The following CDH13 variants were observed in gnomAD, a reference collection of about 807,000 sequenced individuals.
CDH13 encodes cadherin 13, also known as cadherin-13.
Under a neutral mutation model 63.8 loss-of-function variants are expected in CDH13, and 24 were observed. The observed-to-expected ratio is 0.38, with a 90% CI of 0.27 to 0.53. The LOEUF is 0.53. CDH13 is among the 20% of genes least tolerant of loss of function. The pLI, the probability that CDH13 is intolerant of heterozygous loss-of-function variation, is 0.85. For missense variants in CDH13, 1,049 were observed against 903.1 expected (o/e 1.16, Z -2.07); for synonymous variants, 503 against 355.3 (o/e 1.42, Z -4.67).
intron 8 of CDH13, among the ~76,000 whole-genome samples, chr16:83,619,556 G>T (rs536048120): frequency 3.9e-5 from 6 of 152,218 alleles, no homozygotes; most frequent in African/African-American, 1.4e-4. Context: ...GAGAGAATTG[G>T]TTTGATGCCT....
intron 6 of CDH13, among the ~76,000 whole-genome samples, chr16:83,426,038 C>T (rs904738204): frequency 1.3e-5 from 2 of 152,124 alleles, no homozygotes; most frequent in African/African-American, 2.4e-5. Context: ...GGTCCTTTCT[C>T]CTATCCTCCC....
At chr16:83,657,592 T>C (rs1298287420) in intron 8 of CDH13, among the ~76,000 whole-genome samples, 1 of 152,200 alleles carries the variant, frequency 6.6e-6, no homozygotes, top group African/African-American at 2.4e-5. Context: ...GCAGACCGCT[T>C]CTTTGCTGGA....
intron 2 of CDH13, among the ~76,000 whole-genome samples, chr16:82,994,698 T>G (rs1037411886): frequency 6.6e-6 from 1 of 152,196 alleles, no homozygotes; most frequent in Non-Finnish European, 1.5e-5. Flanking sequence ...ACTACCAATC[T>G]CCATTGATAC....
chr16:82,691,689 C>G (rs1341570390), intron 1 of CDH13, among the ~76,000 whole-genome samples: 1 of 152,156 alleles, frequency 6.6e-6, no homozygotes, highest in Non-Finnish European at 1.5e-5. Context: ...CAGAAGCTGA[C>G]TGTGATAACC....
intron 6 of CDH13, among the ~76,000 whole-genome samples, chr16:83,440,856 C>T (rs1353325098): frequency 6.6e-6 from 1 of 150,768 alleles, no homozygotes; most frequent in Non-Finnish European, 1.5e-5. Flanking sequence ...CCTGGCCTTT[C>T]TTAATTGTCC....
intron 5 of CDH13, among the ~76,000 whole-genome samples, chr16:83,324,310 C>T (rs1276503077): frequency 6.6e-6 from 1 of 152,188 alleles, no homozygotes; most frequent in African/African-American, 2.4e-5. Flanking sequence ...GCTGGGATTA[C>T]AGGCATGAGC....
At chr16:83,253,043 A>G (rs1905775692) in intron 5 of CDH13, among the ~76,000 whole-genome samples, 1 of 152,036 alleles carries the variant, frequency 6.6e-6, no homozygotes, top group Admixed American at 6.5e-5. Flanking sequence ...CCCTTAGCAC[A>G]GCACCTGGCA....
At chr16:82,721,148 T>A in intron 1 of CDH13, among the ~76,000 whole-genome samples, 1 of 152,222 alleles carries the variant, frequency 6.6e-6, no homozygotes, top group Admixed American at 6.5e-5. Context: ...AAACATTCAT[T>A]GAGCACCTAC....
At chr16:82,817,294 C>T (rs890457170) in intron 1 of CDH13, among the ~76,000 whole-genome samples, 1 of 152,084 alleles carries the variant, frequency 6.6e-6, no homozygotes, top group Non-Finnish European at 1.5e-5. Context: ...CTCTGTATGG[C>T]TCTGTGCATT....
chr16:83,630,144 A>G (rs1437250855), intron 8 of CDH13, among the ~76,000 whole-genome samples: 2 of 151,816 alleles, frequency 1.3e-5, no homozygotes, highest in Admixed American at 6.6e-5. Context: ...CTGCACCACC[A>G]TTTTCTGATG....
chr16:83,511,130 GCACACATGCA>G, intron 7 of CDH13, among the ~76,000 whole-genome samples: 1 of 151,102 alleles, frequency 6.6e-6, no homozygotes. Flanking sequence ...ATGCACATGT[GCACACATGCA>G]CGCACATGCA....
intron 1 of CDH13, among the ~76,000 whole-genome samples, chr16:82,858,160 G>C (rs1454850611): frequency 1.3e-5 from 2 of 152,206 alleles, no homozygotes; most frequent in Non-Finnish European, 2.9e-5. Flanking sequence ...GGAAACTGCA[G>C]CAGCTGTTCC....
intron 2 of CDH13, among the ~76,000 whole-genome samples, chr16:82,965,279 A>T (rs1047353363): frequency 6.6e-6 from 1 of 152,170 alleles, no homozygotes; most frequent in Non-Finnish European, 1.5e-5. Context: ...AAGCCTGGGA[A>T]CTGAGCTAGC....
intron 13 of CDH13, 130 bp from the exon 14 acceptor site, chr16:83,794,893 T>A (rs566338471): frequency 1.9e-4 from 152 of 812,526 alleles, no homozygotes; most frequent in Non-Finnish European, 2.9e-5. Context: ...AAAAAAAAAA[T>A]TCCCCCATAG....
chr16:83,457,838 C>T (rs1598065826), intron 6 of CDH13, among the ~76,000 whole-genome samples: 2 of 152,278 alleles, frequency 1.3e-5, no homozygotes. Flanking sequence ...TTGTCTCTCT[C>T]CCAGATTTCT....
intron 5 of CDH13, among the ~76,000 whole-genome samples, chr16:83,246,512 T>C (rs1225691984): frequency 6.6e-6 from 1 of 152,184 alleles, no homozygotes; most frequent in Non-Finnish European, 1.5e-5. Context: ...TCCTCTTCTC[T>C]ATACTTTTCC....
chr16:82,971,154 C>T (rs188075496), intron 2 of CDH13, among the ~76,000 whole-genome samples: 10 of 152,290 alleles, frequency 6.6e-5, no homozygotes, highest in Non-Finnish European at 1.5e-4. Flanking sequence ...CCAACTCCCT[C>T]ACCCTTCGAA....
intron 8 of CDH13, among the ~76,000 whole-genome samples, chr16:83,646,036 C>T (rs911168933): frequency 6.6e-6 from 1 of 152,230 alleles, no homozygotes; most frequent in Non-Finnish European, 1.5e-5. Flanking sequence ...TTGGGAGAAG[C>T]CTTGGAGCTG....
intron 5 of CDH13, among the ~76,000 whole-genome samples, chr16:83,324,597 G>A (rs4782768): frequency 0.31 from 46,663 of 152,154 alleles, 7,330 homozygotes; most frequent in East Asian, 0.45. Flanking sequence ...CCATTTTATA[G>A]CTGAGTAATA....
Sources: allele counts gnomAD v4.1 joint callset (sites outside exome capture counted in the v4.1 genomes callset), GRCh38; gene constraint gnomAD v4.1.1; transcripts MANE v1.5; gene names NCBI Gene and HGNC (gene_info 2026-07-23, HGNC 2026-07-21).